The following CRYZ variants were observed in gnomAD, a reference collection of about 807,000 sequenced individuals.
CRYZ encodes the protein crystallin zeta, also known as zeta-crystallin.
Under a neutral mutation model 34.1 loss-of-function variants are expected in CRYZ, and 35 were observed. That is an observed-to-expected ratio of 1.03 (90% CI 0.78 to 1.36). The LOEUF is 1.36. CRYZ is among the 40% of genes most tolerant of loss of function. The pLI is 0.00. For missense variants in CRYZ, 403 were observed against 391.8 expected, an observed-to-expected ratio of 1.03 and a Z score of -0.24; for synonymous variants, 137 against 136.5, an observed-to-expected ratio of 1.00 and a Z score of -0.03.
chr1:74,728,708 T>C (rs913347191), intron 1 of CRYZ, among the ~76,000 whole-genome samples: 1 of 152,214 alleles, frequency 6.6e-6, no homozygotes, highest in Non-Finnish European at 1.5e-5. Context: ...GGTAGTGTTA[T>C]TGATGGGAAG....
rs1647254767 is a variant in CRYZ, at chr1:74,724,848, A to C, written c.-13-14T>G. The C allele has an allele frequency of 2.8e-6, 4 of 1,432,446 alleles. No individual in the cohort carries two copies. The highest frequency in any genetic ancestry group is 3.9e-6 in the Non-Finnish European group (4 of 1,021,768). 88.7% of individuals were successfully genotyped at this position (1,432,446 alleles called of 1,614,324 possible). A position where few individuals can be genotyped will look rare whatever the true frequency, so the allele number is the denominator to read the frequency against. On this transcript the variant is annotated splice_polypyrimidine_tract_variant and intron_variant, in intron 1 of 8. Coordinates refer to ENST00000340866, the MANE Select transcript of CRYZ (RefSeq NM_001889.4). The stretch of plus-strand genomic sequence containing the variant: ...GTGATCTAGATACTAAGGAAGAAAA[A>C]AAATTAATGTATTGTCACATTGTAT...
rs138127308 is a variant in CRYZ at position 74,717,177 on chromosome 1, T to C, written c.428+2032A>G. On this transcript the variant is annotated intron_variant, in intron 4 of 8. Coordinates refer to ENST00000340866, the MANE Select transcript of CRYZ (RefSeq NM_001889.4). Reference sequence around the variant, plus strand: ...ACCTATGTCCTAAGTCCTTTCCATCTTGCCTTATGCAGATCTTATTCCATC... The same window carrying C: ...ACCTATGTCCTAAGTCCTTTCCATCCTGCCTTATGCAGATCTTATTCCATC... Among the ~76,000 whole-genome samples the C allele has an allele frequency of 1.5e-4, 23 of 152,300 alleles. No homozygotes were observed. The East Asian group carries it at 4.2e-3, about 28-fold the overall frequency.
At chr1:74,727,169 C>A (rs1315237216) in intron 1 of CRYZ, among the ~76,000 whole-genome samples, 1 of 101,598 alleles carries the variant, frequency 9.8e-6, no homozygotes, top group Non-Finnish European at 2.7e-5. Context: ...TTGCAGGTAT[C>A]TTTACAGCAG....
At position 74,714,645 on chromosome 1, in the gene CRYZ, A is replaced by C; in HGVS notation, c.429-15T>G. On this transcript the variant is annotated splice_polypyrimidine_tract_variant and intron_variant, in intron 4 of 8. Transcript: ENST00000340866. Reference sequence around the variant, plus strand: ...TCACACAGGCACTGCAAAGGAAAGCATAAGTTACATCACCTTATTTTTTGA... The same window carrying C: ...TCACACAGGCACTGCAAAGGAAAGCCTAAGTTACATCACCTTATTTTTTGA... 6.2e-7 allele frequency: 1 copy of C among 1,613,200 alleles called. No homozygotes were observed. Among genetic ancestry groups the C allele is most frequent in the Non-Finnish European group, 8.5e-7 (1 of 1,179,304 alleles).
At chr1:74,729,377 G>T (rs1570027486) in intron 1 of CRYZ, among the ~76,000 whole-genome samples, 1 of 148,480 alleles carries the variant, frequency 6.7e-6, no homozygotes, top group Admixed American at 6.9e-5. Flanking sequence ...CATCATTATT[G>T]TTTTCCCCTC....
intron 4 of CRYZ, among the ~76,000 whole-genome samples, chr1:74,715,786 A>G (rs1212226353): frequency 6.6e-6 from 1 of 152,130 alleles, no homozygotes; most frequent in East Asian, 1.9e-4. Context: ...GGGGAGAAAA[A>G]GCAGGCAAAT....
Position 74,706,231 on chromosome 1 carries a change from G to T in CRYZ, c.*65C>A. 1.5e-6 allele frequency: 2 copies of T among 1,313,894 alleles called. No individual in the cohort carries two copies. The highest frequency in any genetic ancestry group is 1.7e-5 in the South Asian group (1 of 58,014). 81.4% of individuals were successfully genotyped at this position (1,313,894 alleles called of 1,614,324 possible). On this transcript the variant is annotated 3_prime_UTR_variant, in exon 9 of 9. Transcript: ENST00000340866. The stretch of plus-strand genomic sequence containing the variant: ...GAATGTTAATTAAAGAAAAGATAGG[G>T]TAAGTACAACTGGGGGAAAGACAGT...
intron 3 of CRYZ, among the ~76,000 whole-genome samples, chr1:74,721,444 T>TA (rs976530707): frequency 5.3e-5 from 8 of 152,230 alleles, no homozygotes; most frequent in African/African-American, 1.9e-4. Context: ...TAAGGAATTT[T>TA]AAGAGTCTCC....
Position 74,732,611 on chromosome 1 carries a change from G to C in CRYZ, c.-14+345C>G, listed in dbSNP as rs1290286226. Among the ~76,000 whole-genome samples the C allele has an allele frequency of 3.9e-4, 18 of 46,264 alleles. 2 individuals are homozygous for C. Among genetic ancestry groups the C allele is most frequent in the East Asian group, 1.2e-3 (2 of 1,716 alleles). 30.4% of individuals were successfully genotyped at this position (46,264 alleles called of 152,430 possible). On this transcript the variant is annotated intron_variant, in intron 1 of 8. Transcript: ENST00000340866. ...CGGGTGACTGGCGGGGGGGGGGGGG[G>C]GGGGTGCAGCGTGGGGCTGGGGGAC...
chr1:74,725,865 G>A (rs1647309247), intron 1 of CRYZ, among the ~76,000 whole-genome samples: 1 of 152,050 alleles, frequency 6.6e-6, no homozygotes, highest in Non-Finnish European at 1.5e-5. Context: ...AAAACAAAGG[G>A]GCTACAGGTC....
At chr1:74,732,439 C>T (rs1209634588) in intron 1 of CRYZ, among the ~76,000 whole-genome samples, 1 of 151,722 alleles carries the variant, frequency 6.6e-6, no homozygotes, top group Admixed American at 6.6e-5. Flanking sequence ...GAAGAAATCC[C>T]CTACAGCTGG....
intron 3 of CRYZ, among the ~76,000 whole-genome samples, chr1:74,722,374 T>G (rs79472622): frequency 6.6e-6 from 1 of 152,082 alleles, no homozygotes; most frequent in Non-Finnish European, 1.5e-5. Flanking sequence ...ATTAGTGACA[T>G]TAGCAAGAAT....
rs1186622821 is a variant in CRYZ, at chr1:74,706,463, A to G, written c.829-6T>C. On this transcript the variant is annotated splice_polypyrimidine_tract_variant and splice_region_variant and intron_variant, in intron 8 of 8. Coordinates refer to ENST00000340866, the MANE Select transcript of CRYZ (RefSeq NM_001889.4). ...GCATATTGCTGAAATTCCTCCTAAGAAAAGGAAAAACAAATTTCTTTTTGT... is the reference window on the plus strand; with the variant it reads ...GCATATTGCTGAAATTCCTCCTAAGGAAAGGAAAAACAAATTTCTTTTTGT... 1.9e-6 allele frequency: 3 copies of G among 1,586,418 alleles called. No homozygotes were observed. The highest frequency in any genetic ancestry group is 2.7e-5 in the African/African-American group (2 of 73,026).
chr1:74,712,423 C>T (rs1647017349), intron 5 of CRYZ, among the ~76,000 whole-genome samples: 1 of 152,126 alleles, frequency 6.6e-6, no homozygotes, highest in African/African-American at 2.4e-5. Flanking sequence ...TCACCCGCTA[C>T]TCATAACCAG....
rs1233545970 is a variant in CRYZ, at chr1:74,723,119, T to A, written c.263A>T (p.Lys88Met). 6.2e-7 allele frequency: 1 copy of A among 1,611,110 alleles called. No homozygotes were observed. The highest frequency in any genetic ancestry group is 8.5e-7 in the Non-Finnish European group (1 of 1,179,286). The part of the protein sequence containing the change: ...EAVGDNASAF[K>M]KGDRVFTSST... Reference sequence around the variant, plus strand: ...TAGAAATAATTAAAAATGCAATACCTTGAAAGCAGATGCATTATCTCCAAC... The same window carrying A: ...TAGAAATAATTAAAAATGCAATACCATGAAAGCAGATGCATTATCTCCAAC... The change falls in exon 3 of 9, where the codon AAG becomes ATG. Residue 88 changes from lysine to methionine, a missense_variant and splice_region_variant. Lys to Met is a moderately conservative substitution (Grantham distance 95, BLOSUM62 -1). Transcript: ENST00000340866.
intron 3 of CRYZ, among the ~76,000 whole-genome samples, chr1:74,722,081 T>C (rs1051965962): frequency 6.6e-5 from 10 of 151,998 alleles, no homozygotes; most frequent in South Asian, 2.1e-4. Flanking sequence ...AAAAAGAGTG[T>C]ATGAGATTAT....
At chr1:74,715,822 C>T (rs184955553) in intron 4 of CRYZ, among the ~76,000 whole-genome samples, 17 of 151,906 alleles carry the variant, frequency 1.1e-4, no homozygotes, top group East Asian at 3.9e-4. Context: ...TGCACAGAGT[C>T]GCTGTGACAG....
intron 6 of CRYZ, chr1:74,708,895 G>C (rs371056910): frequency 2.0e-5 from 3 of 152,130 alleles, no homozygotes; most frequent in African/African-American, 7.2e-5. Flanking sequence ...GAGATTGAAA[G>C]TGAAAAGTCA....
chr1:74,709,914 G>C (rs943006203), intron 6 of CRYZ, among the ~76,000 whole-genome samples, 184 bp downstream of exon 6: 11 of 151,964 alleles, frequency 7.2e-5, no homozygotes, highest in African/African-American at 2.7e-4. Flanking sequence ...AAAAATGATA[G>C]TAAAAGTTTA....
Sources: gnomAD v4.1 joint callset for allele counts (sites outside exome capture counted in the v4.1 genomes callset) on GRCh38, gnomAD v4.1.1 for gene constraint, MANE v1.5 for transcripts, NCBI Gene and HGNC (gene_info 2026-07-23, HGNC 2026-07-21) for gene names.